The following KDM4B variants were observed in gnomAD, a reference collection of about 807,000 sequenced individuals.
The protein encoded by KDM4B is lysine demethylase 4B.
Under a neutral mutation model 125.2 loss-of-function variants are expected in KDM4B, and 32 were observed. The ratio of observed to expected loss-of-function variants is 0.26; its 90% confidence interval spans 0.19 to 0.34. KDM4B has a LOEUF of 0.34. Ranked by LOEUF, KDM4B falls within the 10% of genes least tolerant of loss-of-function variation. The probability of loss-of-function intolerance (pLI) is 1.00; values close to 1 mark genes in which losing one functional copy is unlikely to be tolerated. For missense variants in KDM4B, 1,190 were observed against 1,577.7 expected, an observed-to-expected ratio of 0.75 and a Z score of 4.16; for synonymous variants, 721 against 677.9, an observed-to-expected ratio of 1.06 and a Z score of -0.99.
intron 6 of KDM4B, among the ~76,000 whole-genome samples, chr19:5,050,370 A>G (rs780751125): frequency 7.2e-5 from 11 of 152,230 alleles, no homozygotes; most frequent in Non-Finnish European, 1.3e-4. Context: ...CTCTTTGGCA[A>G]TGCGGATTGA....
chr19:4,986,058 C>A (rs1013500561), intron 1 of KDM4B, among the ~76,000 whole-genome samples: 1 of 152,218 alleles, frequency 6.6e-6, no homozygotes. Flanking sequence ...AAGGAGCTCC[C>A]CAGCCCGGCT....
chr19:5,086,651 C>T (rs138098468), intron 9 of KDM4B, among the ~76,000 whole-genome samples: 2,175 of 152,328 alleles, frequency 0.014, 23 homozygotes, highest in Middle Eastern at 0.044. Flanking sequence ...CTCCTCCCCC[C>T]CCCAGCCCCC....
intron 13 of KDM4B, among the ~76,000 whole-genome samples, chr19:5,132,568 G>A (rs534561213): frequency 4.5e-4 from 68 of 152,226 alleles, no homozygotes; most frequent in Non-Finnish European, 8.5e-4. Flanking sequence ...CTAGAAGCGC[G>A]TGGGATCACA....
intron 5 of KDM4B, among the ~76,000 whole-genome samples, chr19:5,046,701 T>G (rs1192168981): frequency 2.6e-5 from 4 of 152,246 alleles, no homozygotes; most frequent in South Asian, 4.1e-4. Flanking sequence ...CTTGTTTGCC[T>G]AGTTCTGAAA....
chr19:5,050,456 G>A (rs1013592110), intron 6 of KDM4B, among the ~76,000 whole-genome samples: 11 of 152,256 alleles, frequency 7.2e-5, no homozygotes, highest in African/African-American at 2.7e-4. Flanking sequence ...GGGGGGGCCG[G>A]AGTGCAGGTG....
intron 2 of KDM4B, among the ~76,000 whole-genome samples, chr19:5,019,014 ATTGGTGTGCAGGTGTTGGTGTGGACG>A (rs1372068770): frequency 2.1e-4 from 31 of 150,952 alleles, no homozygotes; most frequent in South Asian, 4.2e-4. Flanking sequence ...TGCTGTGGAC[ATTGGTGTGCAGGTGTTGGTGTGGACG>A]TTGGTGTGCA....
intron 9 of KDM4B, among the ~76,000 whole-genome samples, chr19:5,094,480 AGAAGGGACTATGG>A (rs2038777885): frequency 6.6e-6 from 1 of 152,112 alleles, no homozygotes; most frequent in South Asian, 2.1e-4. Context: ...CACTGGCTGG[AGAAGGGACTATGG>A]GAGAGATGGG....
chr19:5,088,464 C>A (rs1005786669), intron 9 of KDM4B, among the ~76,000 whole-genome samples: 2 of 152,224 alleles, frequency 1.3e-5, no homozygotes, highest in African/African-American at 4.8e-5. Context: ...GAGCAGAGCG[C>A]TGGGTTCGAC....
At chr19:4,975,965 C>G (rs1420606100) in intron 1 of KDM4B, among the ~76,000 whole-genome samples, 1 of 150,692 alleles carries the variant, frequency 6.6e-6, no homozygotes, top group Non-Finnish European at 1.5e-5. Context: ...AAAAATGGGG[C>G]ATGGCCGGGT....
intron 9 of KDM4B, among the ~76,000 whole-genome samples, chr19:5,100,983 G>A (rs570851502): frequency 6.6e-6 from 1 of 152,234 alleles, no homozygotes; most frequent in East Asian, 1.9e-4. Flanking sequence ...CACTTTGGGA[G>A]GCTGAGGCGG....
intron 9 of KDM4B, 83 bp from the exon 10 acceptor site, chr19:5,110,539 A>G (rs2145984006): frequency 2.1e-6 from 3 of 1,400,158 alleles, no homozygotes; most frequent in Non-Finnish European, 3.0e-6. Context: ...CCGGGCCGTG[A>G]GCCCTACCTG....
At chr19:5,130,892 G>A (rs1056418203) in intron 11 of KDM4B, among the ~76,000 whole-genome samples, 184 bp from the exon 12 acceptor site, 5 of 152,264 alleles carry the variant, frequency 3.3e-5, no homozygotes, top group African/African-American at 1.2e-4. Flanking sequence ...GCCTGGCCAG[G>A]TGCCCCTGCG....
At chr19:5,102,841 G>A (rs2038964224) in intron 9 of KDM4B, among the ~76,000 whole-genome samples, 1 of 152,220 alleles carries the variant, frequency 6.6e-6, no homozygotes, top group South Asian at 2.1e-4. Context: ...TCAGAGCAGT[G>A]AAGAGCTCTT....
chr19:5,074,674 C>T (rs2038047170), intron 7 of KDM4B: 1 of 152,236 alleles, frequency 6.6e-6, no homozygotes, highest in African/African-American at 2.4e-5. Flanking sequence ...CGGCAAACCC[C>T]TGTACTTTGC....
chr19:5,057,029 CGT>C (rs74170763), intron 6 of KDM4B, among the ~76,000 whole-genome samples: 19,170 of 143,912 alleles, frequency 0.13, 1,390 homozygotes, highest in Middle Eastern at 0.22. Context: ...GATATATATG[CGT>C]GTGTGTGTGT....
chr19:5,082,417 C>T lies in KDM4B; in HGVS notation c.831C>T (p.His277=), dbSNP rs777663856. Residue 277 remains histidine, a synonymous_variant, in exon 9 of 23, where the codon CAC becomes CAT. Coordinates refer to ENST00000159111, the MANE Select transcript of KDM4B (RefSeq NM_015015.3). The surrounding 1 kb of genome is among the most constrained non-coding windows in gnomAD (Gnocchi z 5.4). ...TGATCACATTTCCCTACGGCTACCA[C>T]GCCGGCTTCAATCACGGGTTCAACT... ...EFMITFPYGY[H]AGFNHGFNCA... 3 of 1,613,730 alleles carry T rather than the reference C, an allele frequency of 1.9e-6. No homozygotes were observed. The highest frequency in any genetic ancestry group is 1.3e-5 in the African/African-American group (1 of 75,064).
chr19:5,064,789 C>G (rs548461695), intron 6 of KDM4B, among the ~76,000 whole-genome samples: 1 of 152,280 alleles, frequency 6.6e-6, no homozygotes, highest in South Asian at 2.1e-4. Context: ...CCTGGTCGCT[C>G]TGGAAGTGCC....
intron 7 of KDM4B, chr19:5,076,971 G>T: frequency 4.6e-6 from 1 of 218,064 alleles, no homozygotes; most frequent in Non-Finnish European, 9.3e-6. Context: ...TGCCCTGTGA[G>T]GGACCCAAGT....
chr19:5,103,763 G>A (rs1317718570), intron 9 of KDM4B, among the ~76,000 whole-genome samples: 1 of 152,224 alleles, frequency 6.6e-6, no homozygotes, highest in Non-Finnish European at 1.5e-5. Flanking sequence ...GGCCTGTGTT[G>A]GAGAAGGATG....
Sources: allele counts gnomAD v4.1 joint callset (sites outside exome capture counted in the v4.1 genomes callset), GRCh38; gene constraint gnomAD v4.1.1; non-coding constraint Gnocchi (gnomAD v3.1); transcripts MANE v1.5; gene names NCBI Gene and HGNC (gene_info 2026-07-23, HGNC 2026-07-21).